Variants in PRKN observed in about 807,000 individuals in gnomAD.
PRKN encodes parkin RBR E3 ubiquitin protein ligase.
In PRKN, 56 loss-of-function variants were observed where a neutral mutation model predicts 59.5. The ratio of observed to expected loss-of-function variants is 0.94; its 90% CI spans 0.76 to 1.18. The LOEUF is 1.18. Among genes scored for constraint, PRKN ranks in the 50% most tolerant of loss-of-function variants. PRKN has a pLI of 0.00. For missense variants in PRKN, 657 were observed against 596.4 expected (o/e 1.10, Z -1.06); for synonymous variants, 250 against 222.1 (o/e 1.13, Z -1.12).
intron 1 of PRKN, among the ~76,000 whole-genome samples, chr6:162,610,466 G>A (rs1045305413): frequency 2.6e-5 from 4 of 152,160 alleles, no homozygotes; most frequent in African/African-American, 4.8e-5. Context: ...GTCCTGCTAC[G>A]ATTCCTCACC....
intron 2 of PRKN, among the ~76,000 whole-genome samples, chr6:162,438,145 T>A (rs9364657): frequency 0.12 from 17,748 of 152,202 alleles, 1,417 homozygotes; most frequent in African/African-American, 0.23. Flanking sequence ...TCTAGATATT[T>A]CTTTATACAT....
chr6:161,406,048 G>C (rs543650256), intron 9 of PRKN, among the ~76,000 whole-genome samples: 1 of 152,182 alleles, frequency 6.6e-6, no homozygotes, highest in South Asian at 2.1e-4. Flanking sequence ...GGATTGGTCT[G>C]TGGATGGAAA....
At chr6:161,791,331 A>C (rs1248840524) in intron 6 of PRKN, among the ~76,000 whole-genome samples, 1 of 152,272 alleles carries the variant, frequency 6.6e-6, no homozygotes, top group Non-Finnish European at 1.5e-5. Flanking sequence ...ACATTAAAAA[A>C]GTAGAATATG....
At chr6:161,443,035 C>T (rs537949277) in intron 9 of PRKN, among the ~76,000 whole-genome samples, 44 of 152,138 alleles carry the variant, frequency 2.9e-4, no homozygotes, top group African/African-American at 7.5e-4. Context: ...AGGCCGGGCG[C>T]GGTGGCTCAT....
At chr6:161,660,549 G>A (rs1341244799) in intron 7 of PRKN, among the ~76,000 whole-genome samples, 1 of 152,158 alleles carries the variant, frequency 6.6e-6, no homozygotes, top group African/African-American at 2.4e-5. Context: ...GAGATGATGA[G>A]CATGGCCCAT....
chr6:161,933,241 T>A (rs1779231722), intron 6 of PRKN, among the ~76,000 whole-genome samples: 1 of 152,134 alleles, frequency 6.6e-6, no homozygotes, highest in South Asian at 2.1e-4. Flanking sequence ...GATCAGCCAC[T>A]GCACTCCAGC....
rs201791357 is a variant in PRKN at position 161,943,854 on chromosome 6, T to A, written c.734+29448A>T. On this transcript the variant is annotated intron_variant, in intron 6 of 11. Coordinates refer to ENST00000366898, the MANE Select transcript of PRKN (RefSeq NM_004562.3). ...GAAGGATCAGCCTGAGGGATCAGCC[T>A]GAGGAAGCAGCCTGAGGAAGCAGCC... Among the ~76,000 whole-genome samples the A allele has an allele frequency of 5.8e-4, 30 of 51,490 alleles. No homozygotes were observed. The East Asian group carries it at 7.2e-3, about 12-fold the overall frequency. 33.8% of individuals were successfully genotyped at this position (51,490 alleles called of 152,430 possible). A position where few individuals can be genotyped will look rare whatever the true frequency, so the allele number is the denominator to read the frequency against.
At position 162,639,321 on chromosome 6, in the gene PRKN, T is replaced by C. The variant is rs1777870770; in HGVS notation, c.7+88341A>G. Among the ~76,000 whole-genome samples, 6 of 152,210 alleles carry C rather than the reference T, an allele frequency of 3.9e-5. No individual in the cohort carries two copies. The South Asian group carries it at 1.2e-3, about 32-fold the overall frequency. ...TATGTAATAAAAATCATGTCTCTTA[T>C]GTAAATAAAAAATGAATGTGTGTCA... is the stretch of plus-strand genomic sequence containing the variant. On this transcript the variant is annotated intron_variant, in intron 1 of 11. Transcript: ENST00000366898.
intron 1 of PRKN, among the ~76,000 whole-genome samples, chr6:162,450,651 C>A (rs570302252): frequency 3.2e-4 from 49 of 152,214 alleles, no homozygotes; most frequent in African/African-American, 1.2e-3. Context: ...ACGAAAACAT[C>A]GCACAAAACG....
rs114023352 is a variant in PRKN, at chr6:162,154,243, A to G, written c.534+46888T>C. 9.0e-3 allele frequency among the ~76,000 whole-genome samples: 1,374 copies of G among 152,304 alleles called. 25 individuals are homozygous for G. Among genetic ancestry groups the G allele is most frequent in the African/African-American group, 0.031 (1,295 of 41,564 alleles). ...TTTCCTGTCTGATTTCCCCTCTGACATATGACCGCCCTGCACAGCAAAGCC... is the reference window on the plus strand; with the variant it reads ...TTTCCTGTCTGATTTCCCCTCTGACGTATGACCGCCCTGCACAGCAAAGCC... On this transcript the variant is annotated intron_variant, in intron 4 of 11. Coordinates refer to ENST00000366898, the MANE Select transcript of PRKN (RefSeq NM_004562.3).
chr6:162,727,722 G>A lies in PRKN; in HGVS notation c.-54C>T. 1.3e-6 allele frequency: 2 copies of A among 1,536,118 alleles called. No homozygotes were observed. The highest frequency in any genetic ancestry group is 2.4e-5 in the South Asian group (2 of 83,816). On this transcript the variant is annotated 5_prime_UTR_variant, in exon 1 of 12. Coordinates refer to ENST00000366898, the MANE Select transcript of PRKN (RefSeq NM_004562.3). ...CAGGAACAGGCCCATGCGCGCAGCG[G>A]CGCCAGCCGCGCCTCCCACCAGCGG...
chr6:162,022,339 C>A (rs950571290), intron 5 of PRKN, among the ~76,000 whole-genome samples: 14 of 152,232 alleles, frequency 9.2e-5, no homozygotes, highest in Admixed American at 2.6e-4. Flanking sequence ...TCTACATCTG[C>A]GCCAATATAT....
chr6:162,646,093 C>G (rs796380742), intron 1 of PRKN, among the ~76,000 whole-genome samples: 1 of 151,884 alleles, frequency 6.6e-6, no homozygotes, highest in Non-Finnish European at 1.5e-5. Flanking sequence ...AGGATGGTCT[C>G]GATCTCCTGA....
At chr6:161,571,414 G>GT (rs1780884770) in intron 7 of PRKN, among the ~76,000 whole-genome samples, 1 of 152,218 alleles carries the variant, frequency 6.6e-6, no homozygotes, top group Non-Finnish European at 1.5e-5. Flanking sequence ...GCATTGTGAT[G>GT]TGAGAGTGGT....
chr6:161,500,719 T>C (rs560868635), intron 9 of PRKN, among the ~76,000 whole-genome samples: 2 of 152,190 alleles, frequency 1.3e-5, no homozygotes, highest in Non-Finnish European at 2.9e-5. Flanking sequence ...GACACCTTGG[T>C]TGCTTCCCAG....
intron 2 of PRKN, among the ~76,000 whole-genome samples, chr6:162,378,385 C>T (rs919528944): frequency 1.3e-5 from 2 of 152,254 alleles, no homozygotes; most frequent in African/African-American, 4.8e-5. Flanking sequence ...CTGGATTCCA[C>T]TTAGCAGCGG....
intron 10 of PRKN, among the ~76,000 whole-genome samples, chr6:161,380,300 A>G (rs1203623862): frequency 2.0e-5 from 3 of 152,164 alleles, no homozygotes; most frequent in Non-Finnish European, 4.4e-5. Context: ...ATGCTTCCAA[A>G]GCATCCTGAA....
In PRKN at chr6:161,551,749, TG is replaced by T. The variant is rs1780027389; in HGVS notation, c.934-2747del. 6.6e-6 allele frequency among the ~76,000 whole-genome samples: 1 copy of T among 152,134 alleles called. No homozygotes were observed. Among genetic ancestry groups the T allele is most frequent in the Non-Finnish European group, 1.5e-5 (1 of 68,022 alleles). The stretch of plus-strand genomic sequence containing the variant: ...AGGGAGCAGAGATCGGGGAGGCCAT[TG>T]GATAGGACTCTGGGGTTGTAAAGGA... On this transcript the variant is annotated intron_variant, in intron 8 of 11. Transcript: ENST00000366898. This position sits in a 1 kb window ranked among gnomAD's most constrained non-coding sequence, Gnocchi z 5.2.
intron 7 of PRKN, among the ~76,000 whole-genome samples, chr6:161,659,514 G>C (rs751677254): frequency 7.5e-4 from 115 of 152,318 alleles, no homozygotes; most frequent in Non-Finnish European, 1.2e-3. Context: ...TGAGGATACA[G>C]AGCAGTGCTA....
Sources: gnomAD v4.1 joint callset for allele counts (sites outside exome capture counted in the v4.1 genomes callset) on GRCh38, gnomAD v4.1.1 for gene constraint, Gnocchi (gnomAD v3.1) non-coding constraint, MANE v1.5 for transcripts, NCBI Gene and HGNC (gene_info 2026-07-23, HGNC 2026-07-21) for gene names.